The following TMEM132B variants were observed in gnomAD, a reference collection of about 807,000 sequenced individuals.
TMEM132B encodes the protein transmembrane protein 132B.
A neutral mutation model predicts 90.8 loss-of-function variants in TMEM132B; 18 were observed. That is an observed-to-expected ratio of 0.20 (90% CI 0.14 to 0.29). The LOEUF (loss-of-function observed/expected upper bound fraction) is 0.29. TMEM132B is among the 10% of genes least tolerant of loss of function. The pLI, the probability that TMEM132B is intolerant of heterozygous loss-of-function variation, is 1.00. For missense variants in TMEM132B, 1,096 were observed against 1,326.8 expected, an observed-to-expected ratio of 0.83 and a Z score of 2.70; for synonymous variants, 504 against 523.3, an observed-to-expected ratio of 0.96 and a Z score of 0.50.
chr12:125,409,113 C>T (rs537408752), intron 2 of TMEM132B, among the ~76,000 whole-genome samples: 36 of 152,274 alleles, frequency 2.4e-4, no homozygotes, highest in Admixed American at 1.4e-3. Flanking sequence ...AGGTACTCTC[C>T]TCAGTTTGTG....
chr12:125,374,781 A>G (rs1441743679), intron 2 of TMEM132B, among the ~76,000 whole-genome samples: 2 of 152,116 alleles, frequency 1.3e-5, no homozygotes, highest in Non-Finnish European at 2.9e-5. Flanking sequence ...AGATAGAAAA[A>G]AGAGATCATC....
At chr12:125,259,443 G>T (rs79433960) in intron 1 of TMEM132B, among the ~76,000 whole-genome samples, 4,143 of 152,238 alleles carry the variant, frequency 0.027, 199 homozygotes, top group African/African-American at 0.093. Flanking sequence ...AAGATTTAAA[G>T]AATTAGAGAA....
chr12:125,377,515 T>C (rs187632861), intron 2 of TMEM132B, among the ~76,000 whole-genome samples: 1 of 152,276 alleles, frequency 6.6e-6, no homozygotes, highest in Non-Finnish European at 1.5e-5. Context: ...TGCTATAAAA[T>C]GAGGGTAATG....
intron 1 of TMEM132B, among the ~76,000 whole-genome samples, chr12:125,238,642 A>G (rs1324950785): frequency 6.6e-6 from 1 of 152,266 alleles, no homozygotes; most frequent in Non-Finnish European, 1.5e-5. Context: ...TCCGAAGGCC[A>G]GAGAAATGCA....
intron 5 of TMEM132B, among the ~76,000 whole-genome samples, chr12:125,632,430 C>T (rs548842732): frequency 2.0e-5 from 3 of 152,224 alleles, no homozygotes; most frequent in South Asian, 4.1e-4. Context: ...TTACCCATCC[C>T]ACTTATAGTG....
rs1887183909 is a variant in TMEM132B, at chr12:125,660,463, C to CT, written c.*5755dup. 1 of 152,042 alleles carries CT rather than the reference C, an allele frequency of 6.6e-6. No homozygotes were observed. The highest frequency in any genetic ancestry group is 2.1e-4 in the South Asian group (1 of 4,808). The allele number at this position is 152,042 out of a possible 1,614,324, so 9.4% of individuals were successfully genotyped here. On this transcript the variant is annotated 3_prime_UTR_variant, in exon 9 of 9. Transcript: ENST00000682704. ...TTTGAAATTTTTTGGTATTGAAATCCTTAATGCCTGTTAGTTTCTTTATGG... is the reference window on the plus strand; with the variant it reads ...TTTGAAATTTTTTGGTATTGAAATCCTTTAATGCCTGTTAGTTTCTTTATGG...
intron 5 of TMEM132B, among the ~76,000 whole-genome samples, chr12:125,595,823 T>G (rs971379182): frequency 6.6e-6 from 1 of 151,762 alleles, no homozygotes; most frequent in African/African-American, 2.4e-5. Flanking sequence ...AAATTTCACA[T>G]TGAACCCAGC....
rs149148050 is a variant in TMEM132B at position 125,645,445 on chromosome 12, T to C, written c.1643+1164T>C. On this transcript the variant is annotated intron_variant, in intron 6 of 8. Coordinates refer to ENST00000682704, the MANE Select transcript of TMEM132B (RefSeq NM_001366854.1). ...GTAGCAGAAGGGGAAGTTGGGAAGATTTGAGGATGAGAACAACGTGATGAT... is the reference window on the plus strand; with the variant it reads ...GTAGCAGAAGGGGAAGTTGGGAAGACTTGAGGATGAGAACAACGTGATGAT... Among the ~76,000 whole-genome samples the C allele has an allele frequency of 6.4e-3, 981 of 152,162 alleles. 3 individuals are homozygous for C. The highest frequency in any genetic ancestry group is 8.9e-3 in the Non-Finnish European group (604 of 68,004).
intron 5 of TMEM132B, chr12:125,587,992 CT>C (rs1473536230): frequency 1.3e-5 from 2 of 152,150 alleles, no homozygotes; most frequent in Non-Finnish European, 2.9e-5. Context: ...GACATGACAG[CT>C]TTTTGTAAGT....
intron 1 of TMEM132B, among the ~76,000 whole-genome samples, chr12:125,320,197 T>C (rs1876391129): frequency 6.6e-6 from 1 of 152,194 alleles, no homozygotes; most frequent in African/African-American, 2.4e-5. Flanking sequence ...GTATCAACAA[T>C]GGCCCAGCTG....
At chr12:125,545,821 C>G (rs923497689) in intron 4 of TMEM132B, among the ~76,000 whole-genome samples, 3 of 152,162 alleles carry the variant, frequency 2.0e-5, no homozygotes, top group Non-Finnish European at 4.4e-5. Context: ...CATACCCAAG[C>G]TACATTTGGA....
rs1874200166 is a variant in TMEM132B, at chr12:125,246,020, G to A, written c.67+59154G>A. ...AACAAGGACCATTTTAACACAAAAC[G>A]GGACCCTCGTGTGCTTCTTCCACTG... On this transcript the variant is annotated intron_variant, in intron 1 of 8. Coordinates refer to ENST00000682704, the MANE Select transcript of TMEM132B (RefSeq NM_001366854.1). This position sits in a 1 kb window ranked among gnomAD's most constrained non-coding sequence, Gnocchi z 4.2. 1.3e-5 allele frequency among the ~76,000 whole-genome samples: 2 copies of A among 152,166 alleles called. No individual in the cohort carries two copies. Among genetic ancestry groups the A allele is most frequent in the African/African-American group, 4.8e-5 (2 of 41,444 alleles).
intron 4 of TMEM132B, among the ~76,000 whole-genome samples, chr12:125,545,118 A>G (rs7136142): frequency 0.15 from 22,955 of 152,164 alleles, 2,002 homozygotes; most frequent in African/African-American, 0.22. Context: ...AGGAGGCTCA[A>G]TGTTAGTGGA....
At chr12:125,355,637 C>G (rs1289014740) in intron 2 of TMEM132B, among the ~76,000 whole-genome samples, 2 of 152,138 alleles carry the variant, frequency 1.3e-5, no homozygotes, top group Non-Finnish European at 2.9e-5. Flanking sequence ...TTTCTTAGGC[C>G]TAAGGAAATG....
chr12:125,556,661 G>C (rs767874806), intron 4 of TMEM132B, among the ~76,000 whole-genome samples: 1 of 152,190 alleles, frequency 6.6e-6, no homozygotes, highest in Non-Finnish European at 1.5e-5. Flanking sequence ...CAGCTGTATA[G>C]CATCAGGGCG....
At chr12:125,323,361 G>A (rs540185143) in intron 1 of TMEM132B, among the ~76,000 whole-genome samples, 6 of 152,056 alleles carry the variant, frequency 3.9e-5, no homozygotes, top group Non-Finnish European at 7.4e-5. Context: ...GCTTGAACCC[G>A]GGAGGCGGAG....
chr12:125,596,752 G>A (rs1885448956), intron 5 of TMEM132B, among the ~76,000 whole-genome samples: 1 of 152,184 alleles, frequency 6.6e-6, no homozygotes, highest in African/African-American at 2.4e-5. Flanking sequence ...TCACTCCCAA[G>A]AGTATATGTT....
intron 1 of TMEM132B, among the ~76,000 whole-genome samples, chr12:125,257,614 G>A (rs963875728): frequency 2.6e-5 from 4 of 152,166 alleles, no homozygotes; most frequent in Non-Finnish European, 4.4e-5. Context: ...CCTGGAGCCT[G>A]TGAATGTCAC....
intron 1 of TMEM132B, among the ~76,000 whole-genome samples, chr12:125,348,942 G>T (rs971771284): frequency 4.6e-5 from 7 of 152,156 alleles, no homozygotes; most frequent in Non-Finnish European, 1.0e-4. Flanking sequence ...AAAGCTGAGC[G>T]GTAGCTTCAC....
Sources: gnomAD v4.1 joint callset for allele counts (sites outside exome capture counted in the v4.1 genomes callset) on GRCh38, gnomAD v4.1.1 for gene constraint, Gnocchi (gnomAD v3.1) non-coding constraint, MANE v1.5 for transcripts, NCBI Gene and HGNC (gene_info 2026-07-23, HGNC 2026-07-21) for gene names.